Variants in FER1L6 observed in about 807,000 individuals in gnomAD.
FER1L6 encodes fer-1-like protein 6.
A neutral mutation model predicts 219.2 loss-of-function variants in FER1L6; 177 were observed. The ratio of observed to expected loss-of-function variants is 0.81; its 90% confidence interval spans 0.71 to 0.91. The LOEUF (loss-of-function observed/expected upper bound fraction) is 0.91, where lower values mean the gene tolerates loss of function less well. Ranked by LOEUF, FER1L6 falls within the 40% of genes least tolerant of loss-of-function variation. The probability of loss-of-function intolerance (pLI) is 0.00; values close to 1 mark genes in which losing one functional copy is unlikely to be tolerated. For missense variants in FER1L6, 2,153 were observed against 2,259.9 expected, an observed-to-expected ratio of 0.95 and a Z score of 0.96; for synonymous variants, 768 against 824.3, an observed-to-expected ratio of 0.93 and a Z score of 1.17.
At chr8:123,881,943 C>T (rs553080726) in intron 1 of FER1L6, among the ~76,000 whole-genome samples, 31 of 152,186 alleles carry the variant, frequency 2.0e-4, no homozygotes, top group Non-Finnish European at 4.3e-4. Context: ...CCATTTCTTT[C>T]ACTTCCTGGT....
intron 1 of FER1L6, among the ~76,000 whole-genome samples, chr8:123,901,643 A>G (rs557499060): frequency 6.6e-6 from 1 of 151,800 alleles, no homozygotes; most frequent in Non-Finnish European, 1.5e-5. Context: ...GTGTAGGGCC[A>G]TGAACTTTCC....
At chr8:124,107,155 A>G (rs1822813975) in intron 39 of FER1L6, among the ~76,000 whole-genome samples, 1 of 151,712 alleles carries the variant, frequency 6.6e-6, no homozygotes, top group Non-Finnish European at 1.5e-5. Context: ...TCACCATGTT[A>G]GCCAGGATGG....
chr8:123,923,527 C>A (rs1248155499), intron 1 of FER1L6, among the ~76,000 whole-genome samples: 1 of 152,084 alleles, frequency 6.6e-6, no homozygotes, highest in African/African-American at 2.4e-5. Context: ...AAAAGTTATG[C>A]ATAAGAGTAG....
chr8:124,118,760 CA>C lies in FER1L6; in HGVS notation c.5290-82del, dbSNP rs1823353493. ...AATCAAAATACTTTCTGGAATTCTC[CA>C]ACTTGGTAACACTTCTAGAAGGTTG... On this transcript the variant is annotated intron_variant, in intron 39 of 40. Coordinates refer to ENST00000522917, the MANE Select transcript of FER1L6 (RefSeq NM_001039112.2). 7 of 1,130,788 alleles carry C rather than the reference CA, an allele frequency of 6.2e-6. No individual in the cohort carries two copies. In the East Asian group the frequency reaches 1.7e-4, roughly 27 times the overall value. The allele number at this position is 1,130,788 out of a possible 1,614,324, so 70.0% of individuals were successfully genotyped here. A position where few individuals can be genotyped will look rare whatever the true frequency, so the allele number is the denominator to read the frequency against.
intron 1 of FER1L6, among the ~76,000 whole-genome samples, chr8:123,889,682 G>A (rs188934082): frequency 6.6e-6 from 1 of 152,184 alleles, no homozygotes; most frequent in Non-Finnish European, 1.5e-5. Flanking sequence ...AAATAATTGT[G>A]TCTAATTCAG....
intron 20 of FER1L6, among the ~76,000 whole-genome samples, chr8:124,045,451 T>C (rs891517438): frequency 6.6e-6 from 1 of 152,200 alleles, no homozygotes. Context: ...CTCAAAAAAG[T>C]GGCTAGTGTT....
intron 1 of FER1L6, among the ~76,000 whole-genome samples, chr8:123,912,551 T>TG (rs398009729): frequency 6.6e-6 from 1 of 152,006 alleles, no homozygotes; most frequent in African/African-American, 2.4e-5. Context: ...GAGGTTTTTT[T>TG]GGCAGGCACT....
intron 1 of FER1L6, among the ~76,000 whole-genome samples, chr8:123,931,506 A>ACCGC (rs1813761447): frequency 6.6e-6 from 1 of 152,264 alleles, no homozygotes; most frequent in African/African-American, 2.4e-5. Flanking sequence ...GTTAGTAAGT[A>ACCGC]CCGCAGGATA....
intron 12 of FER1L6, among the ~76,000 whole-genome samples, chr8:123,996,603 A>C (rs1369783039): frequency 1.3e-5 from 2 of 152,120 alleles, no homozygotes; most frequent in Non-Finnish European, 2.9e-5. Context: ...TTTTTTGATT[A>C]GAGAGTTTAT....
In FER1L6 at chr8:124,064,350, T is replaced by G. The variant is rs763733767; in HGVS notation, c.3332T>G (p.Ile1111Ser). 105 of 1,612,328 alleles carry G rather than the reference T, an allele frequency of 6.5e-5. No individual in the cohort carries two copies. Among genetic ancestry groups the G allele is most frequent in the Non-Finnish European group, 8.4e-5 (99 of 1,179,364 alleles). The change falls in exon 26 of 41, where the codon ATT becomes AGT. Residue 1111 changes from isoleucine (I) to serine (S), a missense_variant. Ile to Ser is a moderately radical substitution (Grantham distance 142). Coordinates refer to ENST00000522917, the MANE Select transcript of FER1L6 (RefSeq NM_001039112.2). ...ACCTGATGTGCTTTCATTTCAGATA[T>G]TTCAGATTCGCTAACAGCCACTGAG... Reference protein sequence around the residue: ...QVDGTQPGHDISDSLTATESS... With the variant: ...QVDGTQPGHDSSDSLTATESS...
chr8:123,996,544 G>A (rs1817142922), intron 12 of FER1L6, among the ~76,000 whole-genome samples: 1 of 151,960 alleles, frequency 6.6e-6, no homozygotes, highest in Admixed American at 6.6e-5. Context: ...GTTTCTTGTA[G>A]GCAGCAGATC....
At chr8:124,042,366 C>T (rs963932245) in intron 20 of FER1L6, among the ~76,000 whole-genome samples, 2 of 152,232 alleles carry the variant, frequency 1.3e-5, no homozygotes, top group Admixed American at 1.3e-4. Flanking sequence ...AAAAGCTCCC[C>T]ACGTGCTGGG....
intron 1 of FER1L6, among the ~76,000 whole-genome samples, chr8:123,927,816 T>A (rs1813624592): frequency 6.6e-6 from 1 of 152,226 alleles, no homozygotes; most frequent in Non-Finnish European, 1.5e-5. Flanking sequence ...GCTGAATTGG[T>A]TTAGTTTGAC....
chr8:124,008,867 A>G (rs981193240), intron 13 of FER1L6, among the ~76,000 whole-genome samples: 21 of 152,374 alleles, frequency 1.4e-4, no homozygotes, highest in South Asian at 4.1e-4. Flanking sequence ...GACATATGAA[A>G]AAATGCTCAA....
chr8:123,970,750 A>G (rs1815766718), intron 6 of FER1L6, among the ~76,000 whole-genome samples: 1 of 152,284 alleles, frequency 6.6e-6, no homozygotes, highest in East Asian at 1.9e-4. Context: ...TAAGGGCCCA[A>G]TCCAACTTTG....
At chr8:123,980,973 C>G (rs190013127) in intron 11 of FER1L6, among the ~76,000 whole-genome samples, 162 bp downstream of exon 11, 1 of 152,208 alleles carries the variant, frequency 6.6e-6, no homozygotes, top group Non-Finnish European at 1.5e-5. Context: ...CCTCTGCCCC[C>G]TCTTGCACAC....
chr8:123,933,198 C>G (rs1813845078), intron 1 of FER1L6, among the ~76,000 whole-genome samples: 1 of 152,188 alleles, frequency 6.6e-6, no homozygotes, highest in Non-Finnish European at 1.5e-5. Context: ...AGGATGTCCC[C>G]AAAGTCATTA....
intron 1 of FER1L6, among the ~76,000 whole-genome samples, chr8:123,875,317 T>C (rs1203501694): frequency 6.6e-6 from 1 of 152,234 alleles, no homozygotes; most frequent in East Asian, 1.9e-4. Context: ...GTGACTTCCA[T>C]GCTGTTAAAT....
Position 124,064,453 on chromosome 8 carries a change from G to A in FER1L6, c.3435G>A (p.Val1145=), listed in dbSNP as rs1820737239. 4.3e-6 allele frequency: 7 copies of A among 1,613,882 alleles called. No individual in the cohort carries two copies. The highest frequency in any genetic ancestry group is 5.9e-6 in the Non-Finnish European group (7 of 1,179,928). The part of the protein sequence containing the change: ...IYVDVEPPPT[V]VPDSAQAQPA... ...TGGATGTTGAGCCACCTCCCACAGT[G>A]GTGCCCGACTCTGCCCAGGCCCAGC... Residue 1145 remains valine, a synonymous_variant, in exon 26 of 41, where the codon GTG becomes GTA. Transcript: ENST00000522917.
Sources: allele counts gnomAD v4.1 joint callset (sites outside exome capture counted in the v4.1 genomes callset), GRCh38; gene constraint gnomAD v4.1.1; transcripts MANE v1.5; gene names NCBI Gene and HGNC (gene_info 2026-07-23, HGNC 2026-07-21).